SNX24: variants seen among roughly 807,000 people sequenced by gnomAD.
SNX24 encodes the protein sorting nexin 24.
Under a neutral mutation model 28.7 loss-of-function variants are expected in SNX24, and 22 were observed. The ratio of observed to expected loss-of-function variants is 0.77; its 90% confidence interval spans 0.55 to 1.10. The LOEUF (loss-of-function observed/expected upper bound fraction) is 1.10, where lower values mean the gene tolerates loss of function less well. Among genes scored for constraint, SNX24 ranks in the 50% least tolerant of loss-of-function variants. The probability of loss-of-function intolerance (pLI) is 0.00; values close to 1 mark genes in which losing one functional copy is unlikely to be tolerated. For synonymous variants in SNX24, 69 were observed against 71.5 expected (o/e 0.96, Z 0.18); for missense variants, 221 against 201.1 (o/e 1.10, Z -0.60).
chr5:122,881,969 G>A (rs936480294), intron 1 of SNX24, among the ~76,000 whole-genome samples: 1 of 149,462 alleles, frequency 6.7e-6, no homozygotes, highest in Non-Finnish European at 1.5e-5. Context: ...TTTGTTTGTT[G>A]GATTTTTTTT....
chr5:122,876,390 A>T (rs1756224408), intron 1 of SNX24, among the ~76,000 whole-genome samples: 1 of 152,218 alleles, frequency 6.6e-6, no homozygotes, highest in Non-Finnish European at 1.5e-5. Context: ...TTGCTTAATT[A>T]ATATATTGGT....
At chr5:122,934,175 C>G (rs1759086532) in intron 1 of SNX24, among the ~76,000 whole-genome samples, 2 of 152,090 alleles carry the variant, frequency 1.3e-5, no homozygotes, top group South Asian at 4.2e-4. Context: ...GCATTCTGTG[C>G]TGAGTGCTTT....
intron 3 of SNX24, among the ~76,000 whole-genome samples, chr5:122,965,902 G>C (rs1004674859): frequency 2.6e-5 from 4 of 152,128 alleles, no homozygotes; most frequent in Non-Finnish European, 5.9e-5. Flanking sequence ...TCAAAGAGTG[G>C]AGCCAGATTA....
intron 2 of SNX24, among the ~76,000 whole-genome samples, chr5:122,942,260 A>G (rs1478462449): frequency 2.0e-5 from 3 of 152,104 alleles, no homozygotes; most frequent in Non-Finnish European, 2.9e-5. Flanking sequence ...ATTTTTTATT[A>G]TTGACTACCT....
chr5:123,011,905 C>G (rs1176187210), downstream of SNX24, among the ~76,000 whole-genome samples: 4 of 152,202 alleles, frequency 2.6e-5, no homozygotes, highest in Non-Finnish European at 5.9e-5. Context: ...CCACCCAAAT[C>G]TCATCTTGAA....
chr5:122,915,452 C>G (rs948313232), intron 1 of SNX24, among the ~76,000 whole-genome samples: 3 of 152,126 alleles, frequency 2.0e-5, no homozygotes, highest in Middle Eastern at 6.8e-3. Context: ...ATAGCAAGTC[C>G]CCATCTCTAC....
At chr5:122,932,736 G>T (rs1223291602) in intron 1 of SNX24, among the ~76,000 whole-genome samples, 1 of 151,998 alleles carries the variant, frequency 6.6e-6, no homozygotes, top group Admixed American at 6.6e-5. Flanking sequence ...GCGGGCGCCT[G>T]TAGTCCCAGC....
intron 1 of SNX24, among the ~76,000 whole-genome samples, chr5:122,870,931 A>G (rs1755947623): frequency 1.3e-5 from 2 of 152,162 alleles, no homozygotes; most frequent in African/African-American, 4.8e-5. Context: ...CATGGTGCTC[A>G]TCCCTTGCTG....
At chr5:122,869,985 T>G (rs1268822132) in intron 1 of SNX24, among the ~76,000 whole-genome samples, 1 of 152,098 alleles carries the variant, frequency 6.6e-6, no homozygotes, top group Non-Finnish European at 1.5e-5. Context: ...AGCCATTCAT[T>G]AGTAGTACAA....
At chr5:122,945,889 A>G (rs1581782311) in intron 2 of SNX24, among the ~76,000 whole-genome samples, 166 bp from the exon 3 acceptor site, 1 of 152,176 alleles carries the variant, frequency 6.6e-6, no homozygotes, top group East Asian at 1.9e-4. Context: ...TAAATAAAGA[A>G]TTGTTTGACA....
At chr5:122,959,659 C>CA (rs1392499551) in intron 3 of SNX24, among the ~76,000 whole-genome samples, 1 of 151,788 alleles carries the variant, frequency 6.6e-6, no homozygotes, top group Admixed American at 6.6e-5. Flanking sequence ...TTTCTTAAGG[C>CA]ATTGTTTTTG....
At chr5:122,977,331 AC>A in intron 3 of SNX24, among the ~76,000 whole-genome samples, 1 of 95,708 alleles carries the variant, frequency 1.0e-5, no homozygotes, top group Non-Finnish European at 2.2e-5. Context: ...GCTCCAACCC[AC>A]CCCCACCCCT....
chr5:123,004,559 C>A (rs1762356105), intron 6 of SNX24, among the ~76,000 whole-genome samples: 2 of 152,282 alleles, frequency 1.3e-5, no homozygotes, highest in South Asian at 4.2e-4. Context: ...GGCCTGCCTA[C>A]CACGTGTATA....
At chr5:123,017,929 T>A (rs1762708103) in intron 5 of SNX24, among the ~76,000 whole-genome samples, 1 of 152,084 alleles carries the variant, frequency 6.6e-6, no homozygotes, top group Admixed American at 6.5e-5. Flanking sequence ...GGGACTAATA[T>A]ACATTTATTC....
chr5:122,999,977 G>C lies in SNX24; in HGVS notation c.315G>C (p.Leu105Phe). The C allele has an allele frequency of 6.2e-7, 1 of 1,612,152 alleles. No individual in the cohort carries two copies. Among genetic ancestry groups the C allele is most frequent in the Non-Finnish European group, 8.5e-7 (1 of 1,178,296 alleles). Residue 105 changes from leucine to phenylalanine, a missense_variant, in exon 4 of 7, where the codon TTG becomes TTC. Physicochemically the swap from Leu to Phe is conservative, Grantham distance 22. Transcript: ENST00000261369. ...LFLDFLNVRH[L>F]PSLPKAESCG... ...TTGATTTCCTAAATGTGCGACACTTGCCCTCTCTACCAAAGGCAGAAAGTT... is the reference window on the plus strand; with the variant it reads ...TTGATTTCCTAAATGTGCGACACTTCCCCTCTCTACCAAAGGCAGAAAGTT...
chr5:122,958,414 C>A (rs946312509), intron 3 of SNX24, among the ~76,000 whole-genome samples: 1 of 152,140 alleles, frequency 6.6e-6, no homozygotes, highest in African/African-American at 2.4e-5. Context: ...CCATCACACC[C>A]GGCTAATTTT....
chr5:122,914,422 G>T (rs867763451), intron 1 of SNX24, among the ~76,000 whole-genome samples: 3 of 152,122 alleles, frequency 2.0e-5, no homozygotes, highest in South Asian at 4.2e-4. Context: ...AAATGAGTTA[G>T]GGAGGATTCC....
intron 1 of SNX24, among the ~76,000 whole-genome samples, chr5:122,846,262 G>A (rs1480609415): frequency 1.3e-5 from 2 of 152,160 alleles, no homozygotes; most frequent in East Asian, 1.9e-4. Flanking sequence ...TCATACCTAG[G>A]ACTGTGGTCA....
intron 3 of SNX24, among the ~76,000 whole-genome samples, chr5:122,967,932 C>A (rs1038311023): frequency 6.6e-6 from 1 of 152,198 alleles, no homozygotes; most frequent in African/African-American, 2.4e-5. Flanking sequence ...TCTGACCCTT[C>A]AGAGTAAAGG....
Sources: gnomAD v4.1 joint callset for allele counts (sites outside exome capture counted in the v4.1 genomes callset) on GRCh38, gnomAD v4.1.1 for gene constraint, MANE v1.5 for transcripts, NCBI Gene and HGNC (gene_info 2026-07-23, HGNC 2026-07-21) for gene names.